MAF: variants seen among roughly 807,000 people sequenced by gnomAD.
The protein encoded by MAF is MAF bZIP transcription factor, also known as transcription factor Maf.
MAF carries 10 observed loss-of-function variants against 22.0 expected under a neutral mutation model. The ratio of observed to expected loss-of-function variants is 0.45; its 90% confidence interval spans 0.28 to 0.77. The LOEUF (loss-of-function observed/expected upper bound fraction) is 0.77. MAF is among the 30% of genes least tolerant of loss of function. MAF has a pLI of 0.12. For missense variants in MAF, 544 were observed against 548.4 expected, an observed-to-expected ratio of 0.99 and a Z score of 0.08; for synonymous variants, 337 against 255.8, an observed-to-expected ratio of 1.32 and a Z score of -3.03.
chr16:79,260,930 A>C, the MAF span, among the ~76,000 whole-genome samples: 1 of 152,190 alleles, frequency 6.6e-6, no homozygotes, highest in East Asian at 1.9e-4. Flanking sequence ...GATACAACCA[A>C]ACTAACATTC....
the MAF span, among the ~76,000 whole-genome samples, chr16:79,434,175 A>G: frequency 6.6e-6 from 1 of 152,240 alleles, no homozygotes; most frequent in East Asian, 1.9e-4. Context: ...CTTTCTCAAC[A>G]TCACTAGCTA....
At chr16:79,391,412 G>C in the MAF span, among the ~76,000 whole-genome samples, 105 of 152,274 alleles carry the variant, frequency 6.9e-4, no homozygotes, top group African/African-American at 2.5e-3. Flanking sequence ...ACAGATAGGA[G>C]GGAAGCAATT....
chr16:79,403,803 A>G, the MAF span, among the ~76,000 whole-genome samples: 2 of 152,222 alleles, frequency 1.3e-5, no homozygotes, highest in Non-Finnish European at 2.9e-5. Context: ...CTCAACAACC[A>G]AAGGTCACCA....
chr16:79,240,639 G>T, the MAF span, among the ~76,000 whole-genome samples: 1 of 151,736 alleles, frequency 6.6e-6, no homozygotes, highest in Non-Finnish European at 1.5e-5. Flanking sequence ...TAAACGACCT[G>T]GCCTGATGGC....
the MAF span, among the ~76,000 whole-genome samples, chr16:79,576,466 C>T: frequency 6.6e-6 from 1 of 152,052 alleles, no homozygotes; most frequent in African/African-American, 2.4e-5. Flanking sequence ...AAATGTTTAA[C>T]TTTCTCTGAC....
downstream of MAF, among the ~76,000 whole-genome samples, chr16:79,589,269 T>A (rs1293153865): frequency 6.6e-6 from 1 of 152,194 alleles, no homozygotes; most frequent in Non-Finnish European, 1.5e-5. Flanking sequence ...TAGAACTGTA[T>A]GAAATCCAAG....
At chr16:79,493,546 T>G in the MAF span, among the ~76,000 whole-genome samples, 2 of 152,204 alleles carry the variant, frequency 1.3e-5, no homozygotes, top group Admixed American at 6.5e-5. Context: ...ACTCCTGATT[T>G]CAAGTGATTC....
At chr16:79,460,987 C>T in the MAF span, among the ~76,000 whole-genome samples, 1 of 152,160 alleles carries the variant, frequency 6.6e-6, no homozygotes, top group African/African-American at 2.4e-5. Context: ...CTGCCTTCTA[C>T]TGATGTACTT....
downstream of MAF, among the ~76,000 whole-genome samples, chr16:79,581,443 A>G (rs1036393852): frequency 1.3e-5 from 2 of 152,214 alleles, no homozygotes; most frequent in African/African-American, 4.8e-5. Context: ...TTAAATAATT[A>G]CAAACCCCAA....
At chr16:79,446,525 A>T in the MAF span, among the ~76,000 whole-genome samples, 1 of 152,194 alleles carries the variant, frequency 6.6e-6, no homozygotes, top group African/African-American at 2.4e-5. Flanking sequence ...ATGATCACTA[A>T]AAAGATAAAG....
the MAF span, among the ~76,000 whole-genome samples, chr16:79,442,021 C>T: frequency 1.1e-4 from 16 of 152,294 alleles, no homozygotes; most frequent in East Asian, 7.7e-4. Context: ...TGCCAAAGAA[C>T]GCCAGCAGGA....
At chr16:79,440,068 C>G in the MAF span, among the ~76,000 whole-genome samples, 5 of 152,212 alleles carry the variant, frequency 3.3e-5, no homozygotes, top group Non-Finnish European at 5.9e-5. Flanking sequence ...TTTTCCACTT[C>G]CCTAATTATG....
chr16:79,382,867 C>G, the MAF span, among the ~76,000 whole-genome samples: 1 of 152,196 alleles, frequency 6.6e-6, no homozygotes, highest in Non-Finnish European at 1.5e-5. Flanking sequence ...GGGATGTAAG[C>G]AGGTGACAGA....
the MAF span, among the ~76,000 whole-genome samples, chr16:79,422,268 G>A: frequency 6.6e-6 from 1 of 152,212 alleles, no homozygotes; most frequent in Non-Finnish European, 1.5e-5. Context: ...GAAGAATTAG[G>A]TTGAAAGAAG....
chr16:79,570,974 A>G, the MAF span, among the ~76,000 whole-genome samples: 1,251 of 152,284 alleles, frequency 8.2e-3, 18 homozygotes, highest in African/African-American at 0.029. Context: ...GATCTGTTCT[A>G]GCATTCTCAT....
chr16:79,551,784 A>G, the MAF span, among the ~76,000 whole-genome samples: 21 of 152,326 alleles, frequency 1.4e-4, no homozygotes, highest in East Asian at 5.8e-4. Context: ...TCATTTATCT[A>G]TCATCCACGG....
chr16:79,567,396 A>C, the MAF span, among the ~76,000 whole-genome samples: 1 of 152,230 alleles, frequency 6.6e-6, no homozygotes, highest in Non-Finnish European at 1.5e-5. Flanking sequence ...TAGTTTGATT[A>C]TACACATACA....
At chr16:79,205,739 A>T in the MAF span, 87 of 152,352 alleles carry the variant, frequency 5.7e-4, no homozygotes, top group African/African-American at 2.0e-3. Flanking sequence ...TGGATTGTTG[A>T]AGGCCTTTGT....
At chr16:79,217,903 G>A in the MAF span, among the ~76,000 whole-genome samples, 2 of 138,858 alleles carry the variant, frequency 1.4e-5, no homozygotes, top group Non-Finnish European at 3.0e-5. Context: ...GTTCATCAAG[G>A]TCAACACTAG....
Sources: gnomAD v4.1 joint callset for allele counts (sites outside exome capture counted in the v4.1 genomes callset) on GRCh38, gnomAD v4.1.1 for gene constraint, MANE v1.5 for transcripts, NCBI Gene and HGNC (gene_info 2026-07-23, HGNC 2026-07-21) for gene names.